ATRNL1: variants seen among roughly 807,000 people sequenced by gnomAD.
ATRNL1 encodes attractin like 1.
Under a neutral mutation model 182.7 loss-of-function variants are expected in ATRNL1, and 95 were observed. That is an observed-to-expected ratio of 0.52 (90% CI 0.44 to 0.62). The LOEUF (loss-of-function observed/expected upper bound fraction) is 0.62, where lower values mean the gene tolerates loss of function less well. Among genes scored for constraint, ATRNL1 ranks in the 20% least tolerant of loss-of-function variants. The pLI is 0.00. For missense variants in ATRNL1, 1,471 were observed against 1,679.5 expected (o/e 0.88, Z 2.17); for synonymous variants, 576 against 568.3 (o/e 1.01, Z -0.19).
chr10:115,231,088 C>T (rs901086289), intron 9 of ATRNL1, among the ~76,000 whole-genome samples: 2 of 151,956 alleles, frequency 1.3e-5, no homozygotes, highest in African/African-American at 2.4e-5. Flanking sequence ...TACTATACAG[C>T]TTGTGGATAT....
chr10:115,329,847 A>G (rs1320671257), intron 18 of ATRNL1, among the ~76,000 whole-genome samples: 1 of 151,936 alleles, frequency 6.6e-6, no homozygotes, highest in Non-Finnish European at 1.5e-5. Context: ...TTTGTCTTTT[A>G]TTTGGAGAAT....
chr10:115,941,203 A>C (rs77784453), intron 28 of ATRNL1, among the ~76,000 whole-genome samples: 2,814 of 152,340 alleles, frequency 0.018, 77 homozygotes, highest in African/African-American at 0.064. Context: ...GTTACATTTT[A>C]ATAAGAAATG....
intron 26 of ATRNL1, among the ~76,000 whole-genome samples, chr10:115,674,003 A>T (rs2133934703): frequency 6.6e-6 from 1 of 152,162 alleles, no homozygotes; most frequent in East Asian, 1.9e-4. Context: ...CACTTAATAC[A>T]TCCAACTGGG....
chr10:115,920,669 T>TG (rs1305949444), intron 28 of ATRNL1, among the ~76,000 whole-genome samples: 7 of 152,200 alleles, frequency 4.6e-5, no homozygotes, highest in Non-Finnish European at 8.8e-5. Context: ...GAAATGACCT[T>TG]GCCTGGTTAA....
intron 26 of ATRNL1, among the ~76,000 whole-genome samples, chr10:115,584,114 G>A (rs1410891517): frequency 6.6e-6 from 1 of 151,474 alleles, no homozygotes; most frequent in Admixed American, 6.6e-5. Flanking sequence ...CTCGATCATG[G>A]TGGATAAGCT....
chr10:115,171,148 G>T lies in ATRNL1; in HGVS notation c.1204G>T (p.Val402Phe). The T allele has an allele frequency of 6.2e-7, 1 of 1,611,774 alleles. No homozygotes were observed. Among genetic ancestry groups the T allele is most frequent in the Non-Finnish European group, 8.5e-7 (1 of 1,178,506 alleles). ...SQSWSTKTPT[V>F]LGHGQQYAVE... ...GTCATGGAGTACAAAAACTCCTACT[G>T]TTCTTGGACATGGTCAGCAGTATGC... The change falls in exon 8 of 29, where the codon GTT becomes TTT. Residue 402 changes from valine (V) to phenylalanine (F), a missense_variant. Around this residue, in one of 3 missense-constraint regions of ATRNL1, gnomAD observed 1,031 missense variants for 1,156.0 expected, o/e 0.89. Coordinates refer to ENST00000355044, the MANE Select transcript of ATRNL1 (RefSeq NM_207303.4).
intron 26 of ATRNL1, among the ~76,000 whole-genome samples, chr10:115,630,041 C>T (rs1858376913): frequency 6.6e-6 from 1 of 152,106 alleles, no homozygotes; most frequent in Non-Finnish European, 1.5e-5. Flanking sequence ...TACAATCCCA[C>T]ATGTTTATTT....
intron 5 of ATRNL1, among the ~76,000 whole-genome samples, chr10:115,139,397 A>C (rs1564767734): frequency 6.6e-6 from 1 of 152,166 alleles, no homozygotes; most frequent in Non-Finnish European, 1.5e-5. Context: ...GCAATTTACA[A>C]AACAAAGAGA....
intron 8 of ATRNL1, among the ~76,000 whole-genome samples, chr10:115,189,526 G>A (rs1203275732): frequency 1.3e-5 from 2 of 151,920 alleles, no homozygotes; most frequent in East Asian, 3.9e-4. Context: ...GCTAATGTGT[G>A]TGTTTGTGTT....
At chr10:115,584,150 T>C (rs1349375844) in intron 26 of ATRNL1, among the ~76,000 whole-genome samples, 3 of 150,432 alleles carry the variant, frequency 2.0e-5, no homozygotes, top group Non-Finnish European at 3.0e-5. Context: ...GGATTCGGTT[T>C]GCCAGTATTT....
At chr10:115,887,328 A>G (rs1247723409) in intron 28 of ATRNL1, among the ~76,000 whole-genome samples, 3 of 152,216 alleles carry the variant, frequency 2.0e-5, no homozygotes, top group Admixed American at 6.5e-5. Context: ...TGGGTAGCTT[A>G]TAAGCAACAA....
At chr10:115,281,291 C>T in intron 13 of ATRNL1, 64 bp from the exon 14 acceptor site, 1 of 1,434,624 alleles carries the variant, frequency 7.0e-7, no homozygotes, top group Non-Finnish European at 9.5e-7. Context: ...TTTAAATATA[C>T]ACTGAAGTTT....
chr10:115,580,642 G>A lies in ATRNL1; in HGVS notation c.3795+31106G>A, dbSNP rs538864296. Among the ~76,000 whole-genome samples the A allele has an allele frequency of 1.1e-4, 16 of 151,906 alleles. No individual in the cohort carries two copies. In the East Asian group the frequency reaches 2.7e-3, roughly 26 times the overall value. On this transcript the variant is annotated intron_variant, in intron 26 of 28. Transcript: ENST00000355044. ...ATTTCTGTTTTCTTTCCCAGGTTTG[G>A]AAAGTGTTCAGCCATTATTTCTTTA...
chr10:115,728,261 C>G (rs1043329808), intron 27 of ATRNL1, among the ~76,000 whole-genome samples: 7 of 130,108 alleles, frequency 5.4e-5, no homozygotes, highest in Non-Finnish European at 7.7e-5. Flanking sequence ...TGCCACTGCA[C>G]TCCAGCCTGG....
intron 24 of ATRNL1, among the ~76,000 whole-genome samples, chr10:115,479,722 T>C (rs1848679905): frequency 6.6e-6 from 1 of 151,390 alleles, no homozygotes; most frequent in Admixed American, 6.6e-5. Context: ...GTTTGTAATA[T>C]GAGATTTTAT....
intron 14 of ATRNL1, among the ~76,000 whole-genome samples, chr10:115,285,552 G>C (rs1554918502): frequency 1.3e-5 from 2 of 151,974 alleles, no homozygotes; most frequent in African/African-American, 4.8e-5. Context: ...CTGTGTTTTG[G>C]AAAACGGTGT....
intron 1 of ATRNL1, among the ~76,000 whole-genome samples, chr10:115,102,882 C>T (rs1291557527): frequency 6.6e-6 from 1 of 151,944 alleles, no homozygotes. Context: ...ATTGTGTTGA[C>T]TTAGTAAATC....
At chr10:115,222,094 A>G (rs1342540294) in intron 9 of ATRNL1, among the ~76,000 whole-genome samples, 1 of 152,140 alleles carries the variant, frequency 6.6e-6, no homozygotes, top group African/African-American at 2.4e-5. Flanking sequence ...TAAGGTAGAG[A>G]ATATTAGGAC....
At chr10:115,661,061 T>C (rs1199376069) in intron 26 of ATRNL1, among the ~76,000 whole-genome samples, 2 of 152,102 alleles carry the variant, frequency 1.3e-5, no homozygotes, top group Non-Finnish European at 2.9e-5. Context: ...GCTTGATCCC[T>C]AAAAAGGCAA....
Sources: allele counts gnomAD v4.1 joint callset (sites outside exome capture counted in the v4.1 genomes callset), GRCh38; gene constraint gnomAD v4.1.1; regional missense constraint gnomAD v4.1.1; transcripts MANE v1.5; gene names NCBI Gene and HGNC (gene_info 2026-07-23, HGNC 2026-07-21).